The following PACRG variants were observed in gnomAD, a reference collection of about 807,000 sequenced individuals.
PACRG encodes the protein parkin coregulated gene protein.
PACRG carries 29 observed loss-of-function variants against 29.7 expected under a neutral mutation model. The ratio of observed to expected loss-of-function variants is 0.98; its 90% confidence interval spans 0.73 to 1.33. The LOEUF is 1.33. PACRG is among the 40% of genes most tolerant of loss of function. The pLI is 0.00. For synonymous variants in PACRG, 116 were observed against 118.7 expected (o/e 0.98, Z 0.15); for missense variants, 279 against 316.2 (o/e 0.88, Z 0.89).
intron 1 of PACRG, among the ~76,000 whole-genome samples, chr6:162,811,878 G>A (rs185747976): frequency 7.0e-4 from 106 of 152,166 alleles, no homozygotes; most frequent in African/African-American, 2.5e-3. Context: ...CATTTCCTGT[G>A]AACAACCATG....
At chr6:162,739,542 G>A (rs1363384694) in intron 1 of PACRG, among the ~76,000 whole-genome samples, 3 of 151,934 alleles carry the variant, frequency 2.0e-5, no homozygotes, top group Non-Finnish European at 2.9e-5. Flanking sequence ...TGGTTTTGGT[G>A]TTTTTAAAAA....
chr6:163,013,448 C>T (rs966965994), intron 2 of PACRG, among the ~76,000 whole-genome samples: 9 of 150,576 alleles, frequency 6.0e-5, no homozygotes, highest in East Asian at 1.9e-4. Context: ...ATTACCTGTA[C>T]GCCTGATGAA....
chr6:162,757,380 G>A (rs1389688568), intron 1 of PACRG, among the ~76,000 whole-genome samples: 1 of 152,188 alleles, frequency 6.6e-6, no homozygotes, highest in African/African-American at 2.4e-5. Flanking sequence ...GCCACACACT[G>A]TGGCTCACGC....
chr6:162,783,953 C>T (rs930343416), intron 1 of PACRG, among the ~76,000 whole-genome samples: 2 of 152,016 alleles, frequency 1.3e-5, no homozygotes, highest in African/African-American at 4.8e-5. Flanking sequence ...TTTTCATATA[C>T]CTTGTTGCCA....
intron 4 of PACRG, among the ~76,000 whole-genome samples, chr6:163,148,902 G>C (rs1777924345): frequency 7.1e-6 from 1 of 140,878 alleles, no homozygotes; most frequent in Non-Finnish European, 1.5e-5. Context: ...ACAACTGACC[G>C]GTGATCCATG....
At chr6:162,769,041 T>G (rs1783010450) in intron 1 of PACRG, among the ~76,000 whole-genome samples, 1 of 152,118 alleles carries the variant, frequency 6.6e-6, no homozygotes, top group South Asian at 2.1e-4. Context: ...TATTGCAAAC[T>G]GAGGGCTCCC....
intron 4 of PACRG, among the ~76,000 whole-genome samples, chr6:163,243,529 CTGGT>C (rs1201896682): frequency 1.3e-5 from 2 of 152,094 alleles, no homozygotes; most frequent in Admixed American, 1.3e-4. Context: ...GACTGTGTAG[CTGGT>C]TGGCATCTAC....
At position 163,224,368 on chromosome 6, in the gene PACRG, C is replaced by CTCAAAAAAAA. The variant is rs1781702738; in HGVS notation, c.614-90459_614-90458insTCAAAAAAAA. Reference sequence around the variant, plus strand: ...TGGGCAACAGAGTGAGACTCCATCTCAAAAAAAAAAAAAAAAAAAAAAAAA... The same window carrying CTCAAAAAAAA: ...TGGGCAACAGAGTGAGACTCCATCTCTCAAAAAAAAAAAAAAAAAAAAAAAAAAAAAAAAA... On this transcript the variant is annotated intron_variant, in intron 4 of 4. Transcript: ENST00000366888. 1.5e-4 allele frequency among the ~76,000 whole-genome samples: 7 copies of CTCAAAAAAAA among 47,280 alleles called. No homozygotes were observed. The South Asian group carries it at 4.6e-3, about 31-fold the overall frequency. The allele number at this position is 47,280 out of a possible 152,430, so 31.0% of individuals were successfully genotyped here.
intron 2 of PACRG, among the ~76,000 whole-genome samples, chr6:162,920,042 A>G (rs1429799549): frequency 6.6e-6 from 1 of 152,104 alleles, no homozygotes; most frequent in East Asian, 1.9e-4. Flanking sequence ...AGCTCTTGAT[A>G]CTTTTCCCTC....
At chr6:162,957,583 G>A (rs1213240657) in intron 2 of PACRG, 3 of 190,740 alleles carry the variant, frequency 1.6e-5, no homozygotes, top group South Asian at 1.7e-4. Context: ...CATTCTGAGT[G>A]CATGTAGACA....
intron 2 of PACRG, among the ~76,000 whole-genome samples, chr6:162,942,783 C>T (rs1033418060): frequency 1.3e-5 from 2 of 152,080 alleles, no homozygotes; most frequent in South Asian, 2.1e-4. Context: ...TGCCAGAAAT[C>T]GTATATGGAG....
At chr6:162,872,330 C>T (rs7356924) in intron 2 of PACRG, among the ~76,000 whole-genome samples, 27,035 of 152,178 alleles carry the variant, frequency 0.18, 2,475 homozygotes, top group Middle Eastern at 0.2. Context: ...TTTAAAATAT[C>T]TTCATTCTGT....
At chr6:162,876,783 C>T (rs566188245) in intron 2 of PACRG, among the ~76,000 whole-genome samples, 10 of 152,188 alleles carry the variant, frequency 6.6e-5, no homozygotes, top group Admixed American at 5.9e-4. Context: ...AAGTCTTTGC[C>T]CACACCTTTG....
At chr6:162,747,198 A>G in intron 1 of PACRG, among the ~76,000 whole-genome samples, 1 of 150,742 alleles carries the variant, frequency 6.6e-6, no homozygotes. Flanking sequence ...AGGCAGAAAA[A>G]TGTGAACAGA....
At chr6:163,230,398 A>G (rs768677920) in intron 4 of PACRG, among the ~76,000 whole-genome samples, 5 of 152,196 alleles carry the variant, frequency 3.3e-5, no homozygotes, top group Non-Finnish European at 7.3e-5. Context: ...AATATTCACT[A>G]TTTAATGGAC....
At chr6:163,201,201 T>C (rs1429352216) in intron 4 of PACRG, among the ~76,000 whole-genome samples, 7 of 152,240 alleles carry the variant, frequency 4.6e-5, no homozygotes, top group African/African-American at 1.7e-4. Context: ...TAAGCGGAAT[T>C]GGTGAAAACC....
intron 4 of PACRG, among the ~76,000 whole-genome samples, chr6:163,283,128 T>C (rs1234362846): frequency 2.0e-5 from 3 of 152,206 alleles, no homozygotes; most frequent in Admixed American, 6.5e-5. Flanking sequence ...CAAAATCAAG[T>C]TTTAGATTAA....
intron 4 of PACRG, among the ~76,000 whole-genome samples, chr6:163,159,113 A>C (rs912018229): frequency 5.9e-5 from 9 of 152,226 alleles, no homozygotes; most frequent in African/African-American, 2.2e-4. Context: ...AACTTAGAGA[A>C]CTTCTCTGAA....
intron 2 of PACRG, chr6:163,042,652 T>C (rs1054052633): frequency 6.6e-6 from 1 of 151,362 alleles, no homozygotes. Flanking sequence ...GTCATTTGTA[T>C]ACAATCTAAA....
Sources: gnomAD v4.1 joint callset for allele counts (sites outside exome capture counted in the v4.1 genomes callset) on GRCh38, gnomAD v4.1.1 for gene constraint, MANE v1.5 for transcripts, NCBI Gene and HGNC (gene_info 2026-07-23, HGNC 2026-07-21) for gene names.